The following SAMD4A variants were observed in gnomAD, a reference collection of about 807,000 sequenced individuals.
The protein encoded by SAMD4A is sterile alpha motif domain containing 4A, also known as protein Smaug homolog 1.
Under a neutral mutation model 81.3 loss-of-function variants are expected in SAMD4A, and 33 were observed. That is an observed-to-expected ratio of 0.41 (90% CI 0.31 to 0.54). The LOEUF is 0.54. Ranked by LOEUF, SAMD4A falls within the 20% of genes least tolerant of loss-of-function variation. The probability of loss-of-function intolerance (pLI) is 0.37; values close to 1 mark genes in which losing one functional copy is unlikely to be tolerated. For synonymous variants in SAMD4A, 389 were observed against 382.1 expected, an observed-to-expected ratio of 1.02 and a Z score of -0.21; for missense variants, 854 against 951.1, an observed-to-expected ratio of 0.90 and a Z score of 1.34.
At chr14:54,688,189 C>T (rs909058713) in intron 2 of SAMD4A, 3 of 985,336 alleles carry the variant, frequency 3.0e-6, no homozygotes, top group African/African-American at 1.7e-5. Flanking sequence ...TATTATGGTC[C>T]TCTAATCAAG....
At chr14:54,746,729 C>T (rs570541904) in intron 4 of SAMD4A, among the ~76,000 whole-genome samples, 2 of 152,308 alleles carry the variant, frequency 1.3e-5, no homozygotes, top group South Asian at 2.1e-4. Flanking sequence ...AAATTTGGTC[C>T]AAGAGCCTGC....
At chr14:54,571,077 T>A (rs1248423741) in intron 2 of SAMD4A, among the ~76,000 whole-genome samples, 1 of 152,238 alleles carries the variant, frequency 6.6e-6, no homozygotes, top group Non-Finnish European at 1.5e-5. Context: ...TCTCGTTTTA[T>A]GCAGGACTGA....
chr14:54,688,305 C>T (rs761966069), intron 2 of SAMD4A: 167 of 985,368 alleles, frequency 1.7e-4, no homozygotes, highest in East Asian at 4.5e-4. Flanking sequence ...TTAGAGGTAA[C>T]GTACTGGCTC....
chr14:54,611,069 A>G (rs1287319829), intron 2 of SAMD4A, among the ~76,000 whole-genome samples: 3 of 152,254 alleles, frequency 2.0e-5, no homozygotes, highest in Non-Finnish European at 2.9e-5. Flanking sequence ...AAGGCTATAT[A>G]TAATAATGAC....
intron 2 of SAMD4A, among the ~76,000 whole-genome samples, chr14:54,662,988 G>A (rs2035678125): frequency 6.6e-6 from 1 of 152,168 alleles, no homozygotes; most frequent in Admixed American, 6.5e-5. Context: ...GTTGCACAGT[G>A]GAAGTCCCAG....
intron 2 of SAMD4A, among the ~76,000 whole-genome samples, chr14:54,569,234 G>A (rs1314971634): frequency 1.3e-5 from 2 of 152,184 alleles, no homozygotes; most frequent in East Asian, 3.8e-4. Context: ...GTCCAGGGCA[G>A]TGGGGCCTGG....
At chr14:54,649,257 A>G (rs1251264839) in intron 2 of SAMD4A, among the ~76,000 whole-genome samples, 1 of 152,176 alleles carries the variant, frequency 6.6e-6, no homozygotes, top group African/African-American at 2.4e-5. Flanking sequence ...GAAGATTTTT[A>G]AAGGAAGGAA....
intron 11 of SAMD4A, among the ~76,000 whole-genome samples, chr14:54,781,091 C>T (rs188317590): frequency 1.6e-4 from 25 of 152,334 alleles, no homozygotes; most frequent in African/African-American, 6.0e-4. Flanking sequence ...CCCTGCTGCT[C>T]AGTGAACCAG....
chr14:54,705,702 C>T (rs1251440737), intron 3 of SAMD4A, among the ~76,000 whole-genome samples: 1 of 152,166 alleles, frequency 6.6e-6, no homozygotes, highest in East Asian at 1.9e-4. Flanking sequence ...CCCAATCATT[C>T]AACTACCCCG....
At chr14:54,569,066 G>A (rs1026336998) in intron 2 of SAMD4A, among the ~76,000 whole-genome samples, 5 of 151,974 alleles carry the variant, frequency 3.3e-5, no homozygotes, top group Admixed American at 1.3e-4. Context: ...TGGATAGGGG[G>A]AAATTCTTTA....
intron 2 of SAMD4A, among the ~76,000 whole-genome samples, chr14:54,644,873 T>C (rs1434510496): frequency 1.3e-5 from 2 of 152,180 alleles, no homozygotes; most frequent in South Asian, 2.1e-4. Context: ...TGGGAAAATC[T>C]CTTAATCTCT....
intron 6 of SAMD4A, among the ~76,000 whole-genome samples, chr14:54,759,403 G>A (rs548204419): frequency 6.6e-6 from 1 of 152,098 alleles, no homozygotes; most frequent in Admixed American, 6.5e-5. Flanking sequence ...CCCTCCACCT[G>A]GAGCGTTTCT....
intron 2 of SAMD4A, among the ~76,000 whole-genome samples, chr14:54,655,299 T>A (rs886865701): frequency 6.6e-6 from 1 of 152,182 alleles, no homozygotes; most frequent in African/African-American, 2.4e-5. Context: ...CGGCACACAC[T>A]TTCCTTGAGG....
At chr14:54,643,579 T>A (rs1416279937) in intron 2 of SAMD4A, among the ~76,000 whole-genome samples, 2 of 152,244 alleles carry the variant, frequency 1.3e-5, no homozygotes, top group Non-Finnish European at 2.9e-5. Flanking sequence ...TGGAAATGCC[T>A]CAACAGTGGA....
intron 2 of SAMD4A, among the ~76,000 whole-genome samples, chr14:54,611,759 C>T (rs2034361750): frequency 1.3e-5 from 2 of 151,938 alleles, no homozygotes; most frequent in African/African-American, 4.8e-5. Flanking sequence ...TGCCTGTAAT[C>T]CCAGCTACTC....
Position 54,702,359 on chromosome 14 carries a change from G to T in SAMD4A, c.494G>T (p.Arg165Leu), listed in dbSNP as rs144215410. 4 of 1,614,036 alleles carry T rather than the reference G, an allele frequency of 2.5e-6. No individual in the cohort carries two copies. Among genetic ancestry groups the T allele is most frequent in the Non-Finnish European group, 2.5e-6 (3 of 1,180,018 alleles). Residue 165 changes from arginine to leucine, a missense_variant, in exon 3 of 13, where the codon CGC becomes CTC. By Grantham distance (102) the Arg-to-Leu change is moderately radical. Coordinates refer to ENST00000554335, the MANE Select transcript of SAMD4A (RefSeq NM_015589.6). ...STSFGGQNRG[R>L]SDSVDYGQTH... Reference sequence around the variant, plus strand: ...AGCTTTGGTGGCCAGAACCGAGGCCGCTCAGACTCTGTGGATTATGGACAG... The same window carrying T: ...AGCTTTGGTGGCCAGAACCGAGGCCTCTCAGACTCTGTGGATTATGGACAG...
chr14:54,614,492 G>A lies in SAMD4A; in HGVS notation c.196+46380G>A, dbSNP rs536035146. 4.2e-4 allele frequency among the ~76,000 whole-genome samples: 64 copies of A among 152,278 alleles called. No individual in the cohort carries two copies. The South Asian group carries it at 6.6e-3, about 16-fold the overall frequency. Reference sequence around the variant, plus strand: ...ATTCTGTTTGTTTAATGACACGAATGCATACCATAAACTTGGGTATTAATA... The same window carrying A: ...ATTCTGTTTGTTTAATGACACGAATACATACCATAAACTTGGGTATTAATA... On this transcript the variant is annotated intron_variant, in intron 2 of 12. Transcript: ENST00000554335.
At position 54,728,819 on chromosome 14, in the gene SAMD4A, A is replaced by C. The variant is rs529012487; in HGVS notation, c.716-8205A>C. Among the ~76,000 whole-genome samples, 161 of 152,290 alleles carry C rather than the reference A, an allele frequency of 1.1e-3. 1 individual carries two copies. Among genetic ancestry groups the C allele is most frequent in the African/African-American group, 3.7e-3 (153 of 41,558 alleles). On this transcript the variant is annotated intron_variant, in intron 3 of 12. Transcript: ENST00000554335. ...AGAGTTTAGGGTTTCATACTCAGAGAAATCCTAGTCATGCATGTGGCTGCA... is the reference window on the plus strand; with the variant it reads ...AGAGTTTAGGGTTTCATACTCAGAGCAATCCTAGTCATGCATGTGGCTGCA...
chr14:54,768,457 G>A (rs1030374808), intron 8 of SAMD4A, among the ~76,000 whole-genome samples: 4 of 152,278 alleles, frequency 2.6e-5, no homozygotes, highest in East Asian at 3.9e-4. Context: ...GCGTAAAGGC[G>A]TGCAGGGATT....
Sources: allele counts gnomAD v4.1 joint callset (sites outside exome capture counted in the v4.1 genomes callset), GRCh38; gene constraint gnomAD v4.1.1; transcripts MANE v1.5; gene names NCBI Gene and HGNC (gene_info 2026-07-23, HGNC 2026-07-21).